Variants in HS6ST2 observed in about 807,000 individuals in gnomAD.
The protein encoded by HS6ST2 is heparan-sulfate 6-O-sulfotransferase 2.
A neutral mutation model predicts 33.0 loss-of-function variants in HS6ST2; 17 were observed. That is an observed-to-expected ratio of 0.52 (90% CI 0.35 to 0.77). HS6ST2 has a LOEUF of 0.77. Among genes scored for constraint, HS6ST2 ranks in the 30% least tolerant of loss-of-function variants. The probability of loss-of-function intolerance (pLI) is 0.01; values close to 1 mark genes in which losing one functional copy is unlikely to be tolerated. For synonymous variants in HS6ST2, 248 were observed against 237.1 expected (o/e 1.05, Z -0.42); for missense variants, 519 against 551.7 (o/e 0.94, Z 0.59).
chrX:132,644,430 C>CTTTG (rs1437975487), intron 4 of HS6ST2, among the ~76,000 whole-genome samples: 1 of 111,475 alleles, frequency 9.0e-6, no homozygotes, highest in Non-Finnish European at 1.9e-5. Flanking sequence ...AAGGAGGCAA[C>CTTTG]TTTCCCAAGG....
At chrX:132,922,486 C>T (rs776496952) in intron 2 of HS6ST2, among the ~76,000 whole-genome samples, 1 of 111,860 alleles carries the variant, frequency 8.9e-6, no homozygotes, top group African/African-American at 3.3e-5. Flanking sequence ...TGGTCCTTAT[C>T]CAAATCTGAC....
At chrX:132,653,736 C>T (rs959396238) in intron 4 of HS6ST2, among the ~76,000 whole-genome samples, 1 of 111,687 alleles carries the variant, frequency 9.0e-6, no homozygotes, top group African/African-American at 3.3e-5. Context: ...AAGAACTGTG[C>T]ACTACTGAAT....
At chrX:132,662,223 T>C (rs1402026906) in intron 4 of HS6ST2, among the ~76,000 whole-genome samples, 1 of 108,860 alleles carries the variant, frequency 9.2e-6, no homozygotes, top group Non-Finnish European at 1.9e-5. Context: ...GAAGAATTAA[T>C]AGATCAATGA....
In HS6ST2 at chrX:132,823,401, T is replaced by A. The variant is rs780978462; in HGVS notation, c.948-114907A>T. Reference sequence around the variant, plus strand: ...AGTAGTATATGTTGTACCTAATGTGTAGTTTTTTTTAATCCCTGGCCCACT... The same window carrying A: ...AGTAGTATATGTTGTACCTAATGTGAAGTTTTTTTTAATCCCTGGCCCACT... On this transcript the variant is annotated intron_variant, in intron 2 of 4. Transcript: ENST00000370833. Among the ~76,000 whole-genome samples, 5 of 110,792 alleles carry A rather than the reference T, an allele frequency of 4.5e-5. No homozygotes were observed. The South Asian group carries it at 1.9e-3, about 43-fold the overall frequency.
At chrX:132,777,381 T>G (rs2148328147) in intron 2 of HS6ST2, among the ~76,000 whole-genome samples, 1 of 107,728 alleles carries the variant, frequency 9.3e-6, no homozygotes, top group Non-Finnish European at 1.9e-5. Context: ...AAATGATGCA[T>G]TTGGCTTTCT....
At chrX:132,912,576 C>A (rs1475507042) in intron 2 of HS6ST2, among the ~76,000 whole-genome samples, 3 of 112,745 alleles carry the variant, frequency 2.7e-5, no homozygotes, top group Non-Finnish European at 5.6e-5. Flanking sequence ...TAACATTTCT[C>A]TTGGAACTTT....
At chrX:132,794,568 G>T (rs867107137) in intron 2 of HS6ST2, among the ~76,000 whole-genome samples, 109 of 98,018 alleles carry the variant, frequency 1.1e-3, no homozygotes, top group African/African-American at 4.1e-3. Flanking sequence ...TGATGATGAT[G>T]ATGATGATTA....
intron 2 of HS6ST2, among the ~76,000 whole-genome samples, chrX:132,881,635 C>A (rs1227923698): frequency 9.0e-6 from 1 of 111,646 alleles, no homozygotes; most frequent in Non-Finnish European, 1.9e-5. Flanking sequence ...TTAATTAGAT[C>A]CCATTTGTCA....
At chrX:132,704,197 C>T (rs894103111) in intron 3 of HS6ST2, among the ~76,000 whole-genome samples, 1 of 112,254 alleles carries the variant, frequency 8.9e-6, no homozygotes, top group East Asian at 2.8e-4. Flanking sequence ...TCATCTTTCC[C>T]CTTGGCACGT....
intron 3 of HS6ST2, among the ~76,000 whole-genome samples, chrX:132,705,188 C>CGTGTGT (rs59172290): frequency 9.7e-6 from 1 of 103,230 alleles, no homozygotes; most frequent in African/African-American, 3.6e-5. Context: ...TGTGGGCACG[C>CGTGTGT]GTGTGTGTGT....
intron 2 of HS6ST2, among the ~76,000 whole-genome samples, chrX:132,841,861 T>A (rs1284065728): frequency 4.8e-4 from 54 of 111,914 alleles, no homozygotes; most frequent in Non-Finnish European, 7.5e-5. Context: ...TCTGTTTTCA[T>A]AGAAATAGGT....
intron 2 of HS6ST2, among the ~76,000 whole-genome samples, chrX:132,862,670 T>C (rs1270862668): frequency 8.9e-6 from 1 of 112,124 alleles, no homozygotes; most frequent in Non-Finnish European, 1.9e-5. Flanking sequence ...AATATTCACA[T>C]GTGTTAATGG....
chrX:132,638,200 G>T (rs1200682281), intron 4 of HS6ST2, among the ~76,000 whole-genome samples: 1 of 106,551 alleles, frequency 9.4e-6, no homozygotes, highest in Non-Finnish European at 1.9e-5. Flanking sequence ...TCAAAGCAAG[G>T]AGGAAGGCGT....
intron 2 of HS6ST2, among the ~76,000 whole-genome samples, chrX:132,810,455 G>A (rs1450146033): frequency 9.1e-6 from 1 of 109,499 alleles, no homozygotes; most frequent in Non-Finnish European, 1.9e-5. Flanking sequence ...GACAGAAAGA[G>A]AGAAAGAGAG....
At chrX:132,656,970 C>T (rs1248422260) in intron 4 of HS6ST2, among the ~76,000 whole-genome samples, 1 of 111,578 alleles carries the variant, frequency 9.0e-6, no homozygotes, top group Non-Finnish European at 1.9e-5. Flanking sequence ...TGAACTCAGG[C>T]TCAATGGCCT....
At chrX:132,890,658 A>G (rs1196411054) in intron 2 of HS6ST2, among the ~76,000 whole-genome samples, 1 of 110,543 alleles carries the variant, frequency 9.0e-6, no homozygotes, top group Non-Finnish European at 1.9e-5. Flanking sequence ...GATCAAGCTC[A>G]TTTTGCAGAT....
intron 2 of HS6ST2, among the ~76,000 whole-genome samples, chrX:132,870,277 C>G (rs1056802265): frequency 9.0e-6 from 1 of 111,384 alleles, no homozygotes; most frequent in African/African-American, 3.3e-5. Context: ...AGGACACAAA[C>G]AAATGGAAAA....
intron 2 of HS6ST2, among the ~76,000 whole-genome samples, chrX:132,742,857 AAGCC>A (rs2064593813): frequency 1.8e-5 from 2 of 112,289 alleles, no homozygotes; most frequent in Non-Finnish European, 3.8e-5. Context: ...AGTTCAGGGT[AAGCC>A]TTATAGAGTC....
chrX:132,847,562 T>G (rs969967715), intron 2 of HS6ST2, among the ~76,000 whole-genome samples: 2 of 111,671 alleles, frequency 1.8e-5, no homozygotes, highest in Non-Finnish European at 3.8e-5. Flanking sequence ...AACAGAATCT[T>G]GGACTCCACT....
Sources: allele counts gnomAD v4.1 joint callset (sites outside exome capture counted in the v4.1 genomes callset), GRCh38; gene constraint gnomAD v4.1.1; transcripts MANE v1.5; gene names NCBI Gene and HGNC (gene_info 2026-07-23, HGNC 2026-07-21).